ARHGAP24: variants seen among roughly 807,000 people sequenced by gnomAD.
ARHGAP24 encodes rho GTPase-activating protein 24.
A neutral mutation model predicts 76.4 loss-of-function variants in ARHGAP24; 50 were observed. The ratio of observed to expected loss-of-function variants is 0.65; its 90% CI spans 0.52 to 0.83. The LOEUF is 0.83. ARHGAP24 is among the 40% of genes least tolerant of loss of function. The pLI is 0.00. For missense variants in ARHGAP24, 930 were observed against 914.2 expected (o/e 1.02, Z -0.22); for synonymous variants, 345 against 323.3 (o/e 1.07, Z -0.72).
intron 3 of ARHGAP24, among the ~76,000 whole-genome samples, chr4:85,883,328 T>C (rs887943195): frequency 2.0e-5 from 3 of 152,236 alleles, no homozygotes; most frequent in Non-Finnish European, 4.4e-5. Context: ...CATGGCTAAA[T>C]ATTTGAATCA....
intron 2 of ARHGAP24, among the ~76,000 whole-genome samples, chr4:85,605,264 T>A (rs1198414354): frequency 6.6e-6 from 1 of 152,206 alleles, no homozygotes; most frequent in Non-Finnish European, 1.5e-5. Context: ...GTATTTTTAA[T>A]CATAATATAT....
intron 8 of ARHGAP24, among the ~76,000 whole-genome samples, chr4:85,985,604 G>C (rs749796123): frequency 6.6e-6 from 1 of 151,990 alleles, no homozygotes; most frequent in African/African-American, 2.4e-5. Context: ...TGTAACAAAC[G>C]TGCAGTTATA....
At chr4:85,796,981 G>C (rs925857938) in intron 3 of ARHGAP24, among the ~76,000 whole-genome samples, 1 of 152,148 alleles carries the variant, frequency 6.6e-6, no homozygotes, top group South Asian at 2.1e-4. Context: ...ACTGAGGAAG[G>C]TGTGTACACT....
At chr4:85,486,925 G>A (rs1185867182) in intron 1 of ARHGAP24, among the ~76,000 whole-genome samples, 1 of 151,608 alleles carries the variant, frequency 6.6e-6, no homozygotes, top group Non-Finnish European at 1.5e-5. Context: ...GCCTCCTCCT[G>A]CATCTGTATT....
intron 3 of ARHGAP24, among the ~76,000 whole-genome samples, chr4:85,787,012 C>G (rs1727874329): frequency 6.6e-6 from 1 of 152,174 alleles, no homozygotes. Context: ...TCTTTGAGGG[C>G]AGGGGCTTTG....
intron 7 of ARHGAP24, 132 bp from the exon 8 acceptor site, chr4:85,977,438 A>C: frequency 1.9e-6 from 2 of 1,027,028 alleles, no homozygotes; most frequent in Non-Finnish European, 2.9e-6. Context: ...AGATGGGTGA[A>C]CATCCAAATA....
At chr4:85,548,911 C>G (rs1445400692) in intron 1 of ARHGAP24, among the ~76,000 whole-genome samples, 2 of 152,084 alleles carry the variant, frequency 1.3e-5, no homozygotes, top group Non-Finnish European at 2.9e-5. Context: ...TTTATGGAAT[C>G]GTGCAGTGAC....
chr4:85,498,154 C>G (rs1723653941), intron 1 of ARHGAP24, among the ~76,000 whole-genome samples: 1 of 152,116 alleles, frequency 6.6e-6, no homozygotes, highest in Non-Finnish European at 1.5e-5. Context: ...ACTTGTTTGC[C>G]AAGAATTTGT....
chr4:85,978,307 G>T (rs765650026), intron 8 of ARHGAP24, among the ~76,000 whole-genome samples: 1 of 152,122 alleles, frequency 6.6e-6, no homozygotes, highest in Non-Finnish European at 1.5e-5. Flanking sequence ...AAGGAAAGGA[G>T]AAACAATAAT....
chr4:85,526,197 G>A (rs930745020), intron 1 of ARHGAP24, among the ~76,000 whole-genome samples: 8 of 151,954 alleles, frequency 5.3e-5, no homozygotes. Flanking sequence ...GATGGCCTGA[G>A]CGAAGTGTTT....
chr4:85,591,030 GGTT>G, intron 2 of ARHGAP24, among the ~76,000 whole-genome samples: 1 of 121,888 alleles, frequency 8.2e-6, no homozygotes, highest in African/African-American at 3.2e-5. Flanking sequence ...AAATCTGCTG[GGTT>G]TTTTTTTTTT....
intron 1 of ARHGAP24, among the ~76,000 whole-genome samples, chr4:85,516,918 G>C (rs570908636): frequency 6.6e-6 from 1 of 151,964 alleles, no homozygotes; most frequent in Non-Finnish European, 1.5e-5. Context: ...TTTAAATTTA[G>C]ATATATAATT....
chr4:85,501,090 T>C (rs1424996536), intron 1 of ARHGAP24, among the ~76,000 whole-genome samples: 1 of 152,244 alleles, frequency 6.6e-6, no homozygotes, highest in Non-Finnish European at 1.5e-5. Context: ...TTCCATGGTG[T>C]ATATGTGCCA....
chr4:85,509,436 G>A (rs1216461888), intron 1 of ARHGAP24, among the ~76,000 whole-genome samples: 3 of 151,944 alleles, frequency 2.0e-5, no homozygotes, highest in African/African-American at 7.3e-5. Flanking sequence ...ATAAGGAAAA[G>A]CGATGGCTAG....
intron 3 of ARHGAP24, among the ~76,000 whole-genome samples, chr4:85,782,585 G>A (rs918711860): frequency 1.9e-4 from 29 of 152,294 alleles, no homozygotes; most frequent in Non-Finnish European, 3.2e-4. Flanking sequence ...TGTTTCCCAA[G>A]GAACTGTCAA....
intron 3 of ARHGAP24, among the ~76,000 whole-genome samples, chr4:85,830,505 C>T (rs1729938887): frequency 6.6e-6 from 1 of 152,124 alleles, no homozygotes; most frequent in Non-Finnish European, 1.5e-5. Context: ...CTACAAAGGC[C>T]TTTGGTAAAC....
chr4:85,851,020 C>T (rs1020242334), intron 3 of ARHGAP24, among the ~76,000 whole-genome samples: 3 of 152,098 alleles, frequency 2.0e-5, no homozygotes, highest in African/African-American at 4.8e-5. Flanking sequence ...CCTTCTGTCT[C>T]GTTGATCTGT....
intron 3 of ARHGAP24, among the ~76,000 whole-genome samples, chr4:85,922,831 G>A (rs1735803424): frequency 6.6e-6 from 1 of 152,198 alleles, no homozygotes; most frequent in Admixed American, 6.5e-5. Flanking sequence ...AGACTTCTAA[G>A]AAATTAAATT....
intron 3 of ARHGAP24, among the ~76,000 whole-genome samples, chr4:85,779,226 T>C (rs989311998): frequency 6.6e-6 from 1 of 152,236 alleles, no homozygotes. Context: ...TTTAGGTTTG[T>C]TTCTTTGTTG....
Sources: allele counts gnomAD v4.1 joint callset (sites outside exome capture counted in the v4.1 genomes callset), GRCh38; gene constraint gnomAD v4.1.1; transcripts MANE v1.5; gene names NCBI Gene and HGNC (gene_info 2026-07-23, HGNC 2026-07-21).